Variants in MAST4 observed in about 807,000 individuals in gnomAD.
MAST4 encodes the protein microtubule associated serine/threonine kinase family member 4, also known as microtubule-associated serine/threonine-protein kinase 4.
MAST4 carries 89 observed loss-of-function variants against 162.7 expected under a neutral mutation model. The observed-to-expected ratio is 0.55, with a 90% CI of 0.46 to 0.65. The LOEUF is 0.65. Ranked by LOEUF, MAST4 falls within the 30% of genes least tolerant of loss-of-function variation. MAST4 has a pLI of 0.00. For synonymous variants in MAST4, 1,479 were observed against 1,361.1 expected (o/e 1.09, Z -1.91); for missense variants, 3,153 against 3,374.0 (o/e 0.93, Z 1.62).
At chr5:66,703,377 A>C (rs16895501) in intron 1 of MAST4, among the ~76,000 whole-genome samples, 1,720 of 152,300 alleles carry the variant, frequency 0.011, 36 homozygotes, top group African/African-American at 0.04. Context: ...ATATGTATGC[A>C]TGGATGATCA....
intron 4 of MAST4, among the ~76,000 whole-genome samples, chr5:67,035,526 G>A (rs764835198): frequency 6.6e-6 from 1 of 152,064 alleles, no homozygotes; most frequent in Non-Finnish European, 1.5e-5. Context: ...TTTATGATGT[G>A]GTCAAGTGAC....
At chr5:66,821,306 G>T (rs1473269519) in intron 3 of MAST4, among the ~76,000 whole-genome samples, 1 of 152,178 alleles carries the variant, frequency 6.6e-6, no homozygotes, top group Non-Finnish European at 1.5e-5. Flanking sequence ...TACAGTACAT[G>T]TCTGCTGTTT....
intron 4 of MAST4, chr5:66,917,491 C>G (rs1764190378): frequency 6.6e-6 from 1 of 152,164 alleles, no homozygotes; most frequent in African/African-American, 2.4e-5. Context: ...ATTGTCCACC[C>G]CAAGGTCATG....
At chr5:67,003,615 C>T (rs999195419) in intron 4 of MAST4, among the ~76,000 whole-genome samples, 8 of 152,176 alleles carry the variant, frequency 5.3e-5, no homozygotes, top group Non-Finnish European at 1.2e-4. Flanking sequence ...TTACACCAGA[C>T]TTAAGGCAGC....
At chr5:67,150,135 A>G (rs1434731416) in intron 24 of MAST4, among the ~76,000 whole-genome samples, 2 of 152,190 alleles carry the variant, frequency 1.3e-5, no homozygotes, top group Admixed American at 1.3e-4. Flanking sequence ...CTGGTAGCAA[A>G]TCATCTTCTG....
At chr5:67,000,547 A>G (rs1180218363) in intron 4 of MAST4, among the ~76,000 whole-genome samples, 1 of 152,058 alleles carries the variant, frequency 6.6e-6, no homozygotes, top group Admixed American at 6.5e-5. Flanking sequence ...GGAGTTCGAG[A>G]CCAGCCTGCC....
chr5:66,829,172 G>A (rs1757429622), intron 3 of MAST4, among the ~76,000 whole-genome samples: 1 of 151,782 alleles, frequency 6.6e-6, no homozygotes, highest in African/African-American at 2.4e-5. Context: ...AGTGACAGCT[G>A]ATGCACTGAT....
intron 1 of MAST4, among the ~76,000 whole-genome samples, chr5:66,648,038 G>A (rs1271121180): frequency 2.7e-4 from 9 of 33,338 alleles, no homozygotes; most frequent in Non-Finnish European, 4.0e-4. Flanking sequence ...TAGGTAATGT[G>A]TGTGTGTGTG....
At chr5:66,869,444 C>T (rs1760765586) in intron 3 of MAST4, among the ~76,000 whole-genome samples, 1 of 152,080 alleles carries the variant, frequency 6.6e-6, no homozygotes, top group Non-Finnish European at 1.5e-5. Context: ...TCTAGGTCAG[C>T]CGAGTTTCAA....
intron 1 of MAST4, among the ~76,000 whole-genome samples, chr5:66,610,112 CATTT>C (rs1458762461): frequency 2.6e-5 from 4 of 152,146 alleles, no homozygotes; most frequent in African/African-American, 7.2e-5. Flanking sequence ...TTTAAATCAC[CATTT>C]AAAGGAACGA....
intron 5 of MAST4, among the ~76,000 whole-genome samples, chr5:67,074,294 A>C (rs1761335019): frequency 6.6e-6 from 1 of 152,174 alleles, no homozygotes; most frequent in Non-Finnish European, 1.5e-5. Flanking sequence ...CAAACATGGT[A>C]ATATTCATTT....
intron 12 of MAST4, chr5:67,114,830 G>A (rs950233378): frequency 2.0e-5 from 3 of 152,066 alleles, no homozygotes; most frequent in African/African-American, 7.3e-5. Flanking sequence ...AGTGGATCAC[G>A]AGGTCAGGAG....
At chr5:67,021,239 T>C (rs1223936845) in intron 4 of MAST4, among the ~76,000 whole-genome samples, 3 of 152,162 alleles carry the variant, frequency 2.0e-5, no homozygotes, top group African/African-American at 7.2e-5. Flanking sequence ...AGAGGTATCT[T>C]CATGGCCCCC....
chr5:66,710,193 C>T (rs1237692929), intron 1 of MAST4, among the ~76,000 whole-genome samples: 2 of 152,200 alleles, frequency 1.3e-5, no homozygotes, highest in African/African-American at 4.8e-5. Flanking sequence ...AGTGATGTGA[C>T]TGCATTGAGA....
At chr5:66,842,284 G>T (rs1561372763) in intron 3 of MAST4, among the ~76,000 whole-genome samples, 1 of 152,168 alleles carries the variant, frequency 6.6e-6, no homozygotes, top group Non-Finnish European at 1.5e-5. Flanking sequence ...GGGACCTCAT[G>T]TATAGCATGT....
rs536679009 is a variant in MAST4, at chr5:67,085,701, T to A, written c.764-4461T>A. Among the ~76,000 whole-genome samples the A allele has an allele frequency of 2.1e-4, 32 of 152,322 alleles. No individual in the cohort carries two copies. In the South Asian group the frequency reaches 4.1e-3, roughly 20 times the overall value. On this transcript the variant is annotated intron_variant, in intron 5 of 28. Transcript: ENST00000403625. The stretch of plus-strand genomic sequence containing the variant: ...CCCAGAGAATTCCACTGACGGCCAA[T>A]CAAGGTTTTTTTCTTGGCCACTTAG...
At chr5:66,683,047 AC>A (rs1748430010) in intron 1 of MAST4, among the ~76,000 whole-genome samples, 1 of 152,164 alleles carries the variant, frequency 6.6e-6, no homozygotes, top group South Asian at 2.1e-4. Flanking sequence ...GAGCAGTCCT[AC>A]ACCCAGGGCC....
chr5:66,742,401 A>C (rs1752525752), intron 1 of MAST4, among the ~76,000 whole-genome samples: 1 of 152,072 alleles, frequency 6.6e-6, no homozygotes, highest in South Asian at 2.1e-4. Context: ...TGCTACTCTT[A>C]TTGGCTAAGA....
rs565278766 is a variant in MAST4, at chr5:66,847,406, G to A, written c.643-52545G>A. On this transcript the variant is annotated intron_variant, in intron 3 of 28. Coordinates refer to ENST00000403625, the MANE Select transcript of MAST4 (RefSeq NM_001164664.2). ...CCAGCATTTTGGGAGACTGAGGCAG[G>A]CAGGTCACCTGAGATCAGGAGTTCA... Among the ~76,000 whole-genome samples, 3 of 152,264 alleles carry A rather than the reference G, an allele frequency of 2.0e-5. No individual in the cohort carries two copies. The South Asian group carries it at 6.2e-4, about 32-fold the overall frequency.
Sources: allele counts gnomAD v4.1 joint callset (sites outside exome capture counted in the v4.1 genomes callset), GRCh38; gene constraint gnomAD v4.1.1; transcripts MANE v1.5; gene names NCBI Gene and HGNC (gene_info 2026-07-23, HGNC 2026-07-21).